The following SCRIB variants were observed in gnomAD, a reference collection of about 807,000 sequenced individuals.
SCRIB encodes the protein protein scribble homolog.
In SCRIB, 72 loss-of-function variants were observed where a neutral mutation model predicts 170.0. The ratio of observed to expected loss-of-function variants is 0.42; its 90% CI spans 0.35 to 0.52. The LOEUF is 0.52. Ranked by LOEUF, SCRIB falls within the 20% of genes least tolerant of loss-of-function variation. The probability of loss-of-function intolerance (pLI) is 0.02; values close to 1 mark genes in which losing one functional copy is unlikely to be tolerated. For synonymous variants in SCRIB, 1,298 were observed against 1,044.3 expected, an observed-to-expected ratio of 1.24 and a Z score of -4.68; for missense variants, 2,475 against 2,338.5, an observed-to-expected ratio of 1.06 and a Z score of -1.20.
chr8:143,800,550 C>T (rs1815132190), intron 24 of SCRIB, among the ~76,000 whole-genome samples: 4 of 152,194 alleles, frequency 2.6e-5, no homozygotes, highest in Admixed American at 6.5e-5. Context: ...CAAGAGCCAC[C>T]GGGGGACACC....
At chr8:143,791,968 C>T (rs1554632834) in intron 33 of SCRIB, 23 bp downstream of exon 33, 4 of 1,488,202 alleles carry the variant, frequency 2.7e-6, no homozygotes, top group South Asian at 1.4e-5. Flanking sequence ...GCTGACCCCC[C>T]CGACCTGCCC....
intron 1 of SCRIB, chr8:143,814,714 C>T (rs572113364): frequency 2.6e-4 from 42 of 163,354 alleles, no homozygotes; most frequent in Middle Eastern, 3.0e-3. Flanking sequence ...CTTTCTCCAG[C>T]CTCCTTTCTT....
At chr8:143,796,040 G>C (rs1814928784) in intron 24 of SCRIB, among the ~76,000 whole-genome samples, 1 of 152,182 alleles carries the variant, frequency 6.6e-6, no homozygotes, top group Non-Finnish European at 1.5e-5. Flanking sequence ...TCAATCACCT[G>C]TCCCAAGCCA....
intron 4 of SCRIB, 45 bp downstream of exon 4, chr8:143,813,592 C>T (rs1196150798): frequency 3.1e-6 from 5 of 1,611,954 alleles, no homozygotes; most frequent in East Asian, 2.2e-5. Context: ...CAGGGCCAAT[C>T]CTGGTCCCCC....
At chr8:143,801,071 T>C in intron 24 of SCRIB, among the ~76,000 whole-genome samples, 1 of 152,250 alleles carries the variant, frequency 6.6e-6, no homozygotes, top group East Asian at 1.9e-4. Context: ...ATGCGTGGCA[T>C]TGGCCCAGAA....
Position 143,808,820 on chromosome 8 carries a change from T to C in SCRIB, c.1904A>G (p.Asp635Gly). ...CCCGGGAGCCACAGGGCCCTCCCCA[T>C]CAGGCTGCATGCCCTGCAGCAGAGC... ...VVALLQGMQP[D>G]GEGPVAPGGW... Residue 635 changes from aspartate to glycine, a missense_variant, in exon 15 of 37, where the codon GAT becomes GGT. This residue lies in a region of SCRIB where 1,966 missense variants were observed against 1,742.9 expected (regional missense o/e 1.13). Transcript: ENST00000356994. The C allele has an allele frequency of 4.3e-6, 7 of 1,611,892 alleles. No homozygotes were observed. The highest frequency in any genetic ancestry group is 5.9e-6 in the Non-Finnish European group (7 of 1,179,684).
At position 143,815,534 on chromosome 8, in the gene SCRIB, C is replaced by G. The variant is rs982412656; in HGVS notation, c.-162G>C. ...ACGCGGCCGCGGCCGGCGCTGGGCC[C>G]GGCCCGCGCTCGGAACGCTCGGACT... On this transcript the variant is annotated 5_prime_UTR_variant, in exon 1 of 37. Coordinates refer to ENST00000356994, the MANE Select transcript of SCRIB (RefSeq NM_182706.5). 1 of 979,848 alleles carries G rather than the reference C, an allele frequency of 1.0e-6. No individual in the cohort carries two copies. The highest frequency in any genetic ancestry group is 1.8e-5 in the African/African-American group (1 of 56,246). The allele number at this position is 979,848 out of a possible 1,614,324, so 60.7% of individuals were successfully genotyped here.
Position 143,815,411 on chromosome 8 carries a change from G to C in SCRIB, c.-39C>G. 8.0e-7 allele frequency: 1 copy of C among 1,255,864 alleles called. No individual in the cohort carries two copies. Among genetic ancestry groups the C allele is most frequent in the Middle Eastern group, 2.6e-4 (1 of 3,864 alleles). 77.8% of individuals were successfully genotyped at this position (1,255,864 alleles called of 1,614,324 possible). A position where few individuals can be genotyped will look rare whatever the true frequency, so the allele number is the denominator to read the frequency against. On this transcript the variant is annotated 5_prime_UTR_variant, in exon 1 of 37. Coordinates refer to ENST00000356994, the MANE Select transcript of SCRIB (RefSeq NM_182706.5). ...GGCGCGGGCTCCGGCGGCGGCGCTC[G>C]GCGGGCTCGGGGCCGGGGGGCGGGG...
chr8:143,800,319 T>C (rs1815122956), intron 24 of SCRIB, among the ~76,000 whole-genome samples: 1 of 152,068 alleles, frequency 6.6e-6, no homozygotes, highest in Non-Finnish European at 1.5e-5. Flanking sequence ...CAGCCCCCCC[T>C]CCATTTAAAA....
chr8:143,800,759 C>T (rs1815138871), intron 24 of SCRIB, among the ~76,000 whole-genome samples: 1 of 152,234 alleles, frequency 6.6e-6, no homozygotes, highest in South Asian at 2.1e-4. Context: ...AGCTGTAGTC[C>T]CAGCTACTCG....
chr8:143,811,224 C>T lies in SCRIB; in HGVS notation c.1028G>A (p.Arg343Lys). The T allele has an allele frequency of 6.2e-7, 1 of 1,611,630 alleles. No individual in the cohort carries two copies. The highest frequency in any genetic ancestry group is 8.5e-7 in the Non-Finnish European group (1 of 1,179,468). The part of the protein sequence containing the change: ...GCVALSVLSL[R>K]DNRLAVLPPE... ...TGGCAGGACGGCCAGGCGGTTGTCCCTCAAGGAGAGGACGCTGAGTGCCAC... is the reference window on the plus strand; with the variant it reads ...TGGCAGGACGGCCAGGCGGTTGTCCTTCAAGGAGAGGACGCTGAGTGCCAC... The change falls in exon 10 of 37, where the codon AGG (arginine) becomes AAG (lysine). Residue 343 changes from arginine to lysine, a missense_variant. By Grantham distance (26) the Arg-to-Lys change is conservative. Around this residue, in one of 3 missense-constraint regions of SCRIB, gnomAD observed 487 missense variants for 558.1 expected, o/e 0.87. Transcript: ENST00000356994.
At chr8:143,812,417 G>C in intron 8 of SCRIB, 33 bp from the exon 9 acceptor site, 3 of 1,514,098 alleles carry the variant, frequency 2.0e-6, no homozygotes, top group Non-Finnish European at 2.8e-6. Flanking sequence ...ACAAGGCTGA[G>C]CATGGTCCCC....
Position 143,792,982 on chromosome 8 carries a change from AG to A in SCRIB, c.4010del (p.Pro1337LeufsTer170). The A allele has an allele frequency of 1.3e-6, 2 of 1,510,542 alleles. No individual in the cohort carries two copies. The highest frequency in any genetic ancestry group is 8.9e-7 in the Non-Finnish European group (1 of 1,128,478). 93.6% of individuals were successfully genotyped at this position (1,510,542 alleles called of 1,614,324 possible). On this transcript the variant is annotated frameshift_variant, in exon 29 of 37. Transcript: ENST00000356994. LOFTEE classifies it high-confidence loss of function. ...VPTSHPPEDA[P>X]AQPPTPGPAA... is the part of the protein sequence containing the mutation. The stretch of plus-strand genomic sequence containing the variant: ...GCGTGCTGCCCCCACACACCTGGGC[AG>A]GGGCATCCTCAGGCGGGTGAGAAGT...
rs371317541 is a variant in SCRIB at position 143,813,800 on chromosome 8, C to A, written c.356+18G>T. On this transcript the variant is annotated intron_variant, in intron 3 of 36. Coordinates refer to ENST00000356994, the MANE Select transcript of SCRIB (RefSeq NM_182706.5). The stretch of plus-strand genomic sequence containing the variant: ...GGACCCATAGCCCCTACCGACCCCA[C>A]CACAGGCTGCCACCCACCTGGAGAG... 6.2e-7 allele frequency: 1 copy of A among 1,608,098 alleles called. No individual in the cohort carries two copies. Among genetic ancestry groups the A allele is most frequent in the South Asian group, 1.1e-5 (1 of 90,690 alleles).
At chr8:143,813,771 T>C (rs375515758) in intron 3 of SCRIB, 45 bp from the exon 4 acceptor site, 13 of 1,610,608 alleles carry the variant, frequency 8.1e-6, no homozygotes, top group African/African-American at 1.3e-5. Context: ...AGTCCAGGGC[T>C]GTGGGACCCA....
Position 143,791,865 on chromosome 8 carries a change from C to G in SCRIB, c.4695+11G>C, listed in dbSNP as rs782497802. The G allele has an allele frequency of 2.6e-6, 4 of 1,533,622 alleles. No individual in the cohort carries two copies. The Admixed American group carries it at 8.2e-5, about 32-fold the overall frequency. Reference sequence around the variant, plus strand: ...GGGGGTGAAGGGAAGGCATAGCCACCGGCTCCTCACCAGGCGTCCCGGGGA... The same window carrying G: ...GGGGGTGAAGGGAAGGCATAGCCACGGGCTCCTCACCAGGCGTCCCGGGGA... On this transcript the variant is annotated intron_variant, in intron 34 of 36. Transcript: ENST00000356994.
In SCRIB at chr8:143,810,624, G is replaced by C. The variant is rs1815666138; in HGVS notation, c.1405-20C>G. The C allele has an allele frequency of 6.2e-7, 1 of 1,608,862 alleles. No individual in the cohort carries two copies. Among genetic ancestry groups the C allele is most frequent in the African/African-American group, 1.3e-5 (1 of 74,824 alleles). On this transcript the variant is annotated intron_variant, in intron 12 of 36. Transcript: ENST00000356994. ...TAGGCCCTGTTGTAGGGACAAGGAT[G>C]AGCAGCAGCCACAGGGCAGGGGTCA...
chr8:143,807,223 T>G (rs1233055561), intron 16 of SCRIB, among the ~76,000 whole-genome samples: 2 of 152,338 alleles, frequency 1.3e-5, no homozygotes, highest in African/African-American at 4.8e-5. Flanking sequence ...CTGCAGAGCG[T>G]GGTGGGCTGG....
In SCRIB at chr8:143,815,358, G is replaced by C; in HGVS notation, c.15C>G (p.Ile5Met). ...CGTGCCGGTTGCAGCGCCACAGCGG[G>C]ATGCACTTGAGCATGGTGCGGGTGG... MLKC[I>M]PLWRCNRHVE... is the part of the protein sequence containing the mutation. Residue 5 changes from isoleucine (I) to methionine (M), a missense_variant, in exon 1 of 37, where the codon ATC becomes ATG. Physicochemically the swap from Ile to Met is conservative, Grantham distance 10 (BLOSUM62 1). This residue lies in a region of SCRIB where 487 missense variants were observed against 558.1 expected (regional missense o/e 0.87). Transcript: ENST00000356994. 2 of 1,529,186 alleles carry C rather than the reference G, an allele frequency of 1.3e-6. No individual in the cohort carries two copies. The highest frequency in any genetic ancestry group is 1.8e-6 in the Non-Finnish European group (2 of 1,137,122). 94.7% of individuals were successfully genotyped at this position (1,529,186 alleles called of 1,614,324 possible).
Sources: gnomAD v4.1 joint callset for allele counts (sites outside exome capture counted in the v4.1 genomes callset) on GRCh38, gnomAD v4.1.1 for gene constraint, gnomAD v4.1.1 regional missense constraint, MANE v1.5 for transcripts, NCBI Gene and HGNC (gene_info 2026-07-23, HGNC 2026-07-21) for gene names.